Variants in ODAD2 observed in about 807,000 individuals in gnomAD.
ODAD2 encodes outer dynein arm-docking complex subunit 2.
ODAD2 carries 89 observed loss-of-function variants against 106.8 expected under a neutral mutation model. The ratio of observed to expected loss-of-function variants is 0.83; its 90% CI spans 0.70 to 0.99. The LOEUF (loss-of-function observed/expected upper bound fraction) is 0.99, where lower values mean the gene tolerates loss of function less well. Ranked by LOEUF, ODAD2 falls within the 50% of genes least tolerant of loss-of-function variation. The pLI, the probability that ODAD2 is intolerant of heterozygous loss-of-function variation, is 0.00. For missense variants in ODAD2, 1,168 were observed against 1,238.5 expected, an observed-to-expected ratio of 0.94 and a Z score of 0.85; for synonymous variants, 404 against 436.2, an observed-to-expected ratio of 0.93 and a Z score of 0.92.
chr10:27,830,699 A>C (rs1837407869), intron 19 of ODAD2, among the ~76,000 whole-genome samples: 1 of 152,198 alleles, frequency 6.6e-6, no homozygotes, highest in African/African-American at 2.4e-5. Flanking sequence ...TCCCTGGAGC[A>C]CTGGAGTGGA....
At chr10:27,917,246 T>A (rs1312713741) in intron 16 of ODAD2, among the ~76,000 whole-genome samples, 1 of 152,194 alleles carries the variant, frequency 6.6e-6, no homozygotes, top group East Asian at 1.9e-4. Flanking sequence ...AAATAACCAG[T>A]TTTAGAAATT....
intron 7 of ODAD2, among the ~76,000 whole-genome samples, chr10:27,979,878 C>A (rs559647883): frequency 6.6e-6 from 1 of 152,120 alleles, no homozygotes; most frequent in African/African-American, 2.4e-5. Flanking sequence ...AATTCATAAA[C>A]AGTGTCAAGG....
At chr10:27,841,417 T>G (rs1290151802) in intron 19 of ODAD2, among the ~76,000 whole-genome samples, 1 of 152,088 alleles carries the variant, frequency 6.6e-6, no homozygotes, top group African/African-American at 2.4e-5. Context: ...TATTTTTTTT[T>G]CGGAGTCTTG....
chr10:27,862,410 A>G (rs772611516), intron 18 of ODAD2, 24 bp downstream of exon 18: 1 of 1,580,444 alleles, frequency 6.3e-7, no homozygotes, highest in Admixed American at 1.8e-5. Flanking sequence ...ATATGCATGT[A>G]AAACAAAAAG....
intron 19 of ODAD2, among the ~76,000 whole-genome samples, chr10:27,859,984 T>A (rs969202759): frequency 1.3e-5 from 2 of 152,256 alleles, no homozygotes; most frequent in Non-Finnish European, 2.9e-5. Flanking sequence ...TTATTATTTA[T>A]GTGTTAAGTA....
chr10:27,981,684 G>A (rs183665355), intron 6 of ODAD2, 102 bp from the exon 7 acceptor site: 203 of 836,810 alleles, frequency 2.4e-4, no homozygotes, highest in African/African-American at 2.2e-3. Flanking sequence ...TTTCATCTCC[G>A]AAGGATCTAT....
intron 17 of ODAD2, among the ~76,000 whole-genome samples, chr10:27,890,737 A>T (rs376659988): frequency 6.7e-6 from 1 of 150,302 alleles, no homozygotes; most frequent in African/African-American, 2.5e-5. Flanking sequence ...TGGACCCCTT[A>T]TGTCCCCACT....
intron 10 of ODAD2, among the ~76,000 whole-genome samples, chr10:27,949,798 C>A (rs1438690739): frequency 1.3e-5 from 2 of 152,030 alleles, no homozygotes; most frequent in South Asian, 4.2e-4. Flanking sequence ...CTGCAGGGAT[C>A]CAGAGAATAG....
At chr10:27,974,637 T>C (rs1359927396) in intron 7 of ODAD2, among the ~76,000 whole-genome samples, 3 of 151,836 alleles carry the variant, frequency 2.0e-5, no homozygotes, top group Non-Finnish European at 2.9e-5. Flanking sequence ...TGTAGCCCTG[T>C]GGTATAGTTT....
intron 17 of ODAD2, among the ~76,000 whole-genome samples, chr10:27,873,541 T>G (rs1050980446): frequency 7.0e-6 from 1 of 143,404 alleles, no homozygotes; most frequent in Non-Finnish European, 1.5e-5. Flanking sequence ...GTCCCAGAGA[T>G]TCTGGTGTGT....
At chr10:27,961,310 A>T (rs113256246) in intron 10 of ODAD2, among the ~76,000 whole-genome samples, 2 of 152,098 alleles carry the variant, frequency 1.3e-5, no homozygotes, top group African/African-American at 4.8e-5. Context: ...GCAGCAAGTC[A>T]CAGTGTCAGC....
At position 27,841,648 on chromosome 10, in the gene ODAD2, G is replaced by A. The variant is rs137973827; in HGVS notation, c.3021+18977C>T. ...TGACCTCAGGTGATCTGCCTGCCTC[G>A]GCCTCCCAAACTGCTGGGATTACAG... On this transcript the variant is annotated intron_variant, in intron 19 of 19. Transcript: ENST00000305242. Among the ~76,000 whole-genome samples the A allele has an allele frequency of 8.1e-3, 1,230 of 152,020 alleles. 27 individuals are homozygous for A. Among genetic ancestry groups the A allele is most frequent in the East Asian group, 0.041 (212 of 5,170 alleles).
intron 16 of ODAD2, among the ~76,000 whole-genome samples, chr10:27,924,014 GAAAGAAAGAAGGAA>G (rs1845029522): frequency 2.3e-5 from 3 of 128,230 alleles, no homozygotes; most frequent in African/African-American, 8.4e-5. Flanking sequence ...AAGAAAGAAA[GAAAGAAAGAAGGAA>G]AGAGAAAGAA....
intron 17 of ODAD2, among the ~76,000 whole-genome samples, chr10:27,897,619 G>T (rs1248829245): frequency 6.6e-6 from 1 of 152,044 alleles, no homozygotes; most frequent in Non-Finnish European, 1.5e-5. Context: ...TTCTTACATG[G>T]TTTATTTTCT....
At chr10:27,813,571 AT>A (rs1422328422) in intron 19 of ODAD2, 7 of 152,154 alleles carry the variant, frequency 4.6e-5, no homozygotes, top group Admixed American at 3.9e-4. Flanking sequence ...TGAATCACAT[AT>A]TTTTTTACCC....
Position 27,907,755 on chromosome 10 carries a change from C to T in ODAD2, c.2518G>A (p.Val840Ile). 3 of 1,613,662 alleles carry T rather than the reference C, an allele frequency of 1.9e-6. No individual in the cohort carries two copies. The highest frequency in any genetic ancestry group is 2.5e-6 in the Non-Finnish European group (3 of 1,179,726). ...TTCAGCAGGGACCACAACAAACGAA[C>T]TCCATCTAAGCGATCAATTATCCTA... ...SMMIIDRLDG[V>I]RLLWSLLKNP... is the part of the protein sequence containing the mutation. The change falls in exon 17 of 20, where the codon GTT becomes ATT. Residue 840 changes from valine to isoleucine, a missense_variant. Transcript: ENST00000305242.
At chr10:27,851,109 A>G (rs1030652974) in intron 19 of ODAD2, among the ~76,000 whole-genome samples, 7 of 152,160 alleles carry the variant, frequency 4.6e-5, no homozygotes, top group Non-Finnish European at 8.8e-5. Context: ...AACCACCTGA[A>G]AAGATTAGAA....
chr10:27,976,231 C>G (rs1849179555), intron 7 of ODAD2, among the ~76,000 whole-genome samples: 1 of 151,930 alleles, frequency 6.6e-6, no homozygotes, highest in Non-Finnish European at 1.5e-5. Flanking sequence ...ACTGGTGATT[C>G]CAGCTAGTGC....
At chr10:27,981,769 A>G (rs1461669484) in intron 6 of ODAD2, 187 bp from the exon 7 acceptor site, 2 of 427,626 alleles carry the variant, frequency 4.7e-6, no homozygotes, top group African/African-American at 4.2e-5. Context: ...TTTTCCATTC[A>G]TTCACTCATT....
Sources: allele counts gnomAD v4.1 joint callset (sites outside exome capture counted in the v4.1 genomes callset), GRCh38; gene constraint gnomAD v4.1.1; transcripts MANE v1.5; gene names NCBI Gene and HGNC (gene_info 2026-07-23, HGNC 2026-07-21).